NOX4: variants seen among roughly 807,000 people sequenced by gnomAD.
NOX4 encodes the protein NADPH oxidase 4, also known as kidney oxidase-1.
Under a neutral mutation model 87.6 loss-of-function variants are expected in NOX4, and 69 were observed. That is an observed-to-expected ratio of 0.79 (90% confidence interval 0.65 to 0.96). NOX4 has a LOEUF of 0.96. Among genes scored for constraint, NOX4 ranks in the 40% least tolerant of loss-of-function variants. The pLI, the probability that NOX4 is intolerant of heterozygous loss-of-function variation, is 0.00. For missense variants in NOX4, 680 were observed against 681.5 expected (o/e 1.00, Z 0.02); for synonymous variants, 275 against 238.2 (o/e 1.15, Z -1.42).
the NOX4 span, among the ~76,000 whole-genome samples, chr11:89,580,133 GA>G: frequency 6.6e-6 from 1 of 151,974 alleles, no homozygotes; most frequent in African/African-American, 2.4e-5. Context: ...AGAGTGAGAT[GA>G]AAAAACATGC....
chr11:89,335,363 C>A (rs556179390), intron 17 of NOX4, among the ~76,000 whole-genome samples: 8 of 151,632 alleles, frequency 5.3e-5, no homozygotes, highest in African/African-American at 1.7e-4. Context: ...TGGAAATATT[C>A]TAGGTTTAAA....
intron 2 of NOX4, among the ~76,000 whole-genome samples, chr11:89,459,946 C>T (rs1211505239): frequency 6.6e-6 from 1 of 152,192 alleles, no homozygotes; most frequent in East Asian, 1.9e-4. Context: ...CAGCACGGTA[C>T]TGCTACCAAA....
intron 13 of NOX4, among the ~76,000 whole-genome samples, chr11:89,354,371 G>C (rs186145909): frequency 1.3e-5 from 2 of 152,154 alleles, no homozygotes; most frequent in Admixed American, 1.3e-4. Flanking sequence ...TTAACCTTCG[G>C]GAAGATGAAG....
chr11:89,391,716 G>A (rs1406409190), intron 11 of NOX4, among the ~76,000 whole-genome samples: 5 of 147,990 alleles, frequency 3.4e-5, no homozygotes, highest in African/African-American at 1.3e-4. Context: ...GCCCAGCCTG[G>A]GTGACAGAGG....
At chr11:89,534,207 GTGT>G in the NOX4 span, among the ~76,000 whole-genome samples, 1 of 152,196 alleles carries the variant, frequency 6.6e-6, no homozygotes, top group Non-Finnish European at 1.5e-5. Context: ...CACAGACTTT[GTGT>G]TCCTGCCTTT....
At chr11:89,492,073 G>A (rs1174954133), upstream of NOX4, 3 of 24,534 alleles carry the variant, frequency 1.2e-4, no homozygotes, top group Non-Finnish European at 3.6e-4. Flanking sequence ...AATTCTTAGG[G>A]GCTCTAGGTT....
upstream of NOX4, among the ~76,000 whole-genome samples, chr11:89,501,709 TGAA>T (rs1370328924): frequency 1.3e-5 from 2 of 151,946 alleles, no homozygotes; most frequent in Admixed American, 1.3e-4. Flanking sequence ...GGACAGTGGA[TGAA>T]GAAGAACCTC....
At chr11:89,393,123 G>A (rs1462315898) in intron 11 of NOX4, among the ~76,000 whole-genome samples, 1 of 152,096 alleles carries the variant, frequency 6.6e-6, no homozygotes, top group African/African-American at 2.4e-5. Flanking sequence ...CCCCTCAAAA[G>A]GCATCTGGCT....
At position 89,440,506 on chromosome 11, in the gene NOX4, G is replaced by A. The variant is rs546536338; in HGVS notation, c.475+182C>T. 2.6e-5 allele frequency among the ~76,000 whole-genome samples: 4 copies of A among 151,916 alleles called. No individual in the cohort carries two copies. In the South Asian group the frequency reaches 8.3e-4, roughly 32 times the overall value. On this transcript the variant is annotated intron_variant, in intron 6 of 17. Transcript: ENST00000263317. ...GCCCGGCTAATTTTTTGTGTTTTTA[G>A]TAGAGATGGGGTTTCATCATGTTGA... is the stretch of plus-strand genomic sequence containing the variant.
At chr11:89,349,334 G>A (rs74238696) in intron 13 of NOX4, among the ~76,000 whole-genome samples, 11,148 of 150,742 alleles carry the variant, frequency 0.074, 614 homozygotes, top group Admixed American at 0.14. Context: ...AAATAACTTG[G>A]CTCAGGATCA....
intron 17 of NOX4, among the ~76,000 whole-genome samples, chr11:89,333,352 T>A (rs1945556398): frequency 6.6e-6 from 1 of 151,710 alleles, no homozygotes; most frequent in South Asian, 2.1e-4. Context: ...GTTAAAAAAC[T>A]AAGGTTTTGA....
At chr11:89,584,866 C>T in the NOX4 span, among the ~76,000 whole-genome samples, 1 of 152,034 alleles carries the variant, frequency 6.6e-6, no homozygotes, top group African/African-American at 2.4e-5. Flanking sequence ...AGATGCTATA[C>T]TGTGAAATGA....
chr11:89,403,759 A>C (rs1942012323), intron 8 of NOX4, among the ~76,000 whole-genome samples: 1 of 152,234 alleles, frequency 6.6e-6, no homozygotes, highest in Non-Finnish European at 1.5e-5. Flanking sequence ...TAAATAAATA[A>C]CAGCTATGAT....
the NOX4 span, among the ~76,000 whole-genome samples, chr11:89,565,634 G>A: frequency 6.6e-6 from 1 of 151,106 alleles, no homozygotes; most frequent in Non-Finnish European, 1.5e-5. Flanking sequence ...CCTTCTATTA[G>A]ATAAGAAAAA....
At chr11:89,364,067 A>T (rs546032161) in intron 12 of NOX4, among the ~76,000 whole-genome samples, 8 of 152,078 alleles carry the variant, frequency 5.3e-5, no homozygotes, top group Non-Finnish European at 8.8e-5. Context: ...CAACACAGCA[A>T]GACCCTTGCT....
chr11:89,426,741 G>A (rs1943440725), intron 7 of NOX4, among the ~76,000 whole-genome samples: 2 of 152,242 alleles, frequency 1.3e-5, no homozygotes, highest in African/African-American at 2.4e-5. Flanking sequence ...AAACTGGGTG[G>A]AGCCCACCAC....
intron 17 of NOX4, among the ~76,000 whole-genome samples, chr11:89,330,919 G>A (rs1945441886): frequency 6.6e-6 from 1 of 151,960 alleles, no homozygotes; most frequent in Admixed American, 6.6e-5. Context: ...AATACTCTGA[G>A]TAATTAATAC....
intron 16 of NOX4, among the ~76,000 whole-genome samples, chr11:89,336,382 T>C (rs921552790): frequency 4.6e-5 from 7 of 151,966 alleles, no homozygotes; most frequent in Admixed American, 2.0e-4. Context: ...GACTTCAACA[T>C]TGAAGTATTT....
chr11:89,536,668 T>A, the NOX4 span, among the ~76,000 whole-genome samples: 1 of 152,204 alleles, frequency 6.6e-6, no homozygotes, highest in Non-Finnish European at 1.5e-5. Context: ...TATTACTACT[T>A]CTTCTTTTGC....
Sources: allele counts gnomAD v4.1 joint callset (sites outside exome capture counted in the v4.1 genomes callset), GRCh38; gene constraint gnomAD v4.1.1; transcripts MANE v1.5; gene names NCBI Gene and HGNC (gene_info 2026-07-23, HGNC 2026-07-21).